BCAR3: variants seen among roughly 807,000 people sequenced by gnomAD.
The protein encoded by BCAR3 is breast cancer anti-estrogen resistance protein 3.
A neutral mutation model predicts 80.1 loss-of-function variants in BCAR3; 37 were observed. That is an observed-to-expected ratio of 0.46 (90% CI 0.36 to 0.61). The LOEUF (loss-of-function observed/expected upper bound fraction) is 0.61. Ranked by LOEUF, BCAR3 falls within the 20% of genes least tolerant of loss-of-function variation. The pLI is 0.00. For synonymous variants in BCAR3, 389 were observed against 418.9 expected, an observed-to-expected ratio of 0.93 and a Z score of 0.87; for missense variants, 978 against 1,068.2, an observed-to-expected ratio of 0.92 and a Z score of 1.18.
At chr1:93,672,512 G>A (rs905896556) in intron 2 of BCAR3, among the ~76,000 whole-genome samples, 5 of 152,176 alleles carry the variant, frequency 3.3e-5, no homozygotes, top group Non-Finnish European at 4.4e-5. Context: ...TTCTGACTCC[G>A]TATCACACAG....
intron 2 of BCAR3, among the ~76,000 whole-genome samples, chr1:93,845,011 C>T (rs1655098163): frequency 6.6e-6 from 1 of 152,040 alleles, no homozygotes; most frequent in African/African-American, 2.4e-5. Context: ...ATTTTTTTGG[C>T]TTCATCTAGT....
chr1:93,645,357 G>T (rs539116764), intron 2 of BCAR3, among the ~76,000 whole-genome samples: 1 of 152,188 alleles, frequency 6.6e-6, no homozygotes, highest in Admixed American at 6.5e-5. Flanking sequence ...GTACTCTGTA[G>T]GTTTTATGGC....
intron 10 of BCAR3, 88 bp from the exon 11 acceptor site, chr1:93,567,579 C>T: frequency 1.4e-6 from 2 of 1,469,390 alleles, no homozygotes; most frequent in East Asian, 2.3e-5. Context: ...TGTCTTGTTA[C>T]AGCAACTGCA....
At chr1:93,821,289 A>G (rs570940283) in intron 2 of BCAR3, among the ~76,000 whole-genome samples, 1 of 152,296 alleles carries the variant, frequency 6.6e-6, no homozygotes, top group Admixed American at 6.5e-5. Flanking sequence ...AATCTCCTGC[A>G]GAGGCCAGGA....
intron 2 of BCAR3, among the ~76,000 whole-genome samples, chr1:93,647,598 A>C (rs1676180809): frequency 6.6e-6 from 1 of 151,984 alleles, no homozygotes; most frequent in Non-Finnish European, 1.5e-5. Context: ...TAGAGAAAAC[A>C]CTTCTTCTAA....
intron 3 of BCAR3, among the ~76,000 whole-genome samples, chr1:93,702,065 C>T (rs1351387494): frequency 6.6e-6 from 1 of 152,100 alleles, no homozygotes; most frequent in Non-Finnish European, 1.5e-5. Context: ...CCTCACCTTC[C>T]TAAAGCTATC....
chr1:93,662,349 A>G (rs892719407), intron 2 of BCAR3, among the ~76,000 whole-genome samples: 1 of 152,174 alleles, frequency 6.6e-6, no homozygotes. Flanking sequence ...GCCAAACCCC[A>G]TACTTTCATT....
chr1:93,830,906 C>T (rs745725018), intron 2 of BCAR3, among the ~76,000 whole-genome samples: 44 of 152,192 alleles, frequency 2.9e-4, no homozygotes, highest in Non-Finnish European at 4.9e-4. Flanking sequence ...GGTCTTTTCA[C>T]TCTCTTCTCC....
chr1:93,603,278 G>A (rs141719638), intron 3 of BCAR3, among the ~76,000 whole-genome samples: 130 of 152,350 alleles, frequency 8.5e-4, no homozygotes, highest in African/African-American at 2.7e-3. Context: ...CCTGGCCAGC[G>A]GTCCAGGACG....
At chr1:93,818,773 G>A (rs1654103061) in intron 2 of BCAR3, among the ~76,000 whole-genome samples, 1 of 152,152 alleles carries the variant, frequency 6.6e-6, no homozygotes, top group Admixed American at 6.5e-5. Context: ...GTCAGAGAGT[G>A]GTAAGTGCTG....
intron 11 of BCAR3, 106 bp downstream of exon 11, chr1:93,567,173 C>T: frequency 1.5e-6 from 2 of 1,345,296 alleles, no homozygotes; most frequent in Admixed American, 2.1e-5. Flanking sequence ...ATTCTTTAAT[C>T]CTTCCTTTTT....
At chr1:93,613,821 G>A in intron 3 of BCAR3, 1 of 1,549,208 alleles carries the variant, frequency 6.5e-7, no homozygotes, top group East Asian at 2.4e-5. Context: ...ATTGACAGAT[G>A]TACTTTATTT....
rs149974891 is a variant in BCAR3, at chr1:93,749,425, A to T, written c.-62-43283T>A. Among the ~76,000 whole-genome samples the T allele has an allele frequency of 8.4e-4, 128 of 152,060 alleles. 1 individual carries two copies. Among genetic ancestry groups the T allele is most frequent in the African/African-American group, 2.8e-3 (118 of 41,486 alleles). ...AACATGGTGAAACCCCGTCTCTACT[A>T]AAAGTACAAAAAAATTAGCCAGGCA... On this transcript the variant is annotated intron_variant, in intron 2 of 13. Coordinates refer to the BCAR3 transcript ENST00000370244.
At chr1:93,720,457 A>G (rs1204738513) in intron 2 of BCAR3, among the ~76,000 whole-genome samples, 2 of 152,178 alleles carry the variant, frequency 1.3e-5, no homozygotes, top group Non-Finnish European at 2.9e-5. Flanking sequence ...CTGCTGATAC[A>G]GGGGCCTGCA....
chr1:93,659,329 C>T (rs751831358), intron 2 of BCAR3, among the ~76,000 whole-genome samples: 105 of 152,202 alleles, frequency 6.9e-4, no homozygotes, highest in South Asian at 3.5e-3. Context: ...AGACTACAAT[C>T]GCATGCCACC....
intron 4 of BCAR3, among the ~76,000 whole-genome samples, 200 bp from the exon 5 acceptor site, chr1:93,589,619 G>A (rs138690637): frequency 5.3e-5 from 8 of 152,300 alleles, no homozygotes; most frequent in Non-Finnish European, 1.2e-4. Context: ...CCACCTACTC[G>A]TGCCAAGCAC....
At chr1:93,839,798 A>G (rs1198471363) in intron 2 of BCAR3, among the ~76,000 whole-genome samples, 1 of 152,234 alleles carries the variant, frequency 6.6e-6, no homozygotes, top group Non-Finnish European at 1.5e-5. Flanking sequence ...TCATGCTAAT[A>G]ACAGAAGCCC....
intron 2 of BCAR3, among the ~76,000 whole-genome samples, chr1:93,653,472 A>G (rs1370301317): frequency 6.6e-6 from 1 of 152,158 alleles, no homozygotes; most frequent in Non-Finnish European, 1.5e-5. Flanking sequence ...CTACAGGGTG[A>G]GCTTTCCAAC....
At chr1:93,653,674 C>T (rs1389896002) in intron 2 of BCAR3, among the ~76,000 whole-genome samples, 2 of 152,150 alleles carry the variant, frequency 1.3e-5, no homozygotes, top group Non-Finnish European at 2.9e-5. Context: ...CCCAACAAAG[C>T]TCAGGTTGGC....
Sources: gnomAD v4.1 joint callset for allele counts (sites outside exome capture counted in the v4.1 genomes callset) on GRCh38, gnomAD v4.1.1 for gene constraint, MANE v1.5 for transcripts, NCBI Gene and HGNC (gene_info 2026-07-23, HGNC 2026-07-21) for gene names.